The following DOCK10 variants were observed in gnomAD, a reference collection of about 807,000 sequenced individuals.
The protein encoded by DOCK10 is dedicator of cytokinesis protein 10.
In DOCK10, 145 loss-of-function variants were observed where a neutral mutation model predicts 280.1. That is an observed-to-expected ratio of 0.52 (90% CI 0.45 to 0.59). The LOEUF (loss-of-function observed/expected upper bound fraction) is 0.59, where lower values mean the gene tolerates loss of function less well. Ranked by LOEUF, DOCK10 falls within the 20% of genes least tolerant of loss-of-function variation. The probability of loss-of-function intolerance (pLI) is 0.00; values close to 1 mark genes in which losing one functional copy is unlikely to be tolerated. For missense variants in DOCK10, 2,368 were observed against 2,651.7 expected (o/e 0.89, Z 2.35); for synonymous variants, 915 against 942.2 (o/e 0.97, Z 0.53).
At chr2:224,989,078 C>T (rs1559931342) in intron 1 of DOCK10, among the ~76,000 whole-genome samples, 2 of 152,164 alleles carry the variant, frequency 1.3e-5, no homozygotes, top group Non-Finnish European at 2.9e-5. Context: ...GGAAGAGCTG[C>T]CACTCACTCT....
intron 26 of DOCK10, 132 bp from the exon 27 acceptor site, chr2:224,830,744 C>G (rs1040237082): frequency 1.6e-5 from 7 of 450,556 alleles, no homozygotes; most frequent in Middle Eastern, 4.4e-4. Flanking sequence ...TGAATTAGAG[C>G]AGTAAAATAT....
chr2:224,956,625 G>GAAAA (rs3083983), intron 1 of DOCK10, among the ~76,000 whole-genome samples: 13 of 78,648 alleles, frequency 1.7e-4, no homozygotes, highest in East Asian at 4.1e-4. Context: ...CGCTACCTCA[G>GAAAA]AAAAAAAAAA....
intron 25 of DOCK10, among the ~76,000 whole-genome samples, chr2:224,836,180 A>C (rs2125429099): frequency 6.6e-6 from 1 of 152,286 alleles, no homozygotes; most frequent in South Asian, 2.1e-4. Flanking sequence ...AGTCCCTTTA[A>C]GGATTGAAAT....
chr2:225,035,579 TATATATATAA>T (rs1332608848), intron 1 of DOCK10, among the ~76,000 whole-genome samples: 16 of 105,962 alleles, frequency 1.5e-4, no homozygotes, highest in African/African-American at 6.6e-4. Context: ...TATATATATA[TATATATATAA>T]CACTGAATCA....
chr2:224,980,836 A>G (rs1705707288), intron 1 of DOCK10, among the ~76,000 whole-genome samples: 1 of 152,148 alleles, frequency 6.6e-6, no homozygotes, highest in Non-Finnish European at 1.5e-5. Context: ...GTATATTCTT[A>G]TCACCTTATT....
At chr2:224,800,000 C>T (rs1288460124) in intron 41 of DOCK10, 151 bp downstream of exon 41, 3 of 489,836 alleles carry the variant, frequency 6.1e-6, no homozygotes, top group Non-Finnish European at 1.1e-5. Context: ...AAAATCTCAT[C>T]TTTAACATGT....
chr2:224,770,075 G>A lies in DOCK10; in HGVS notation c.6444+136C>T. ...GGCACGAGGTGGTGTGCACGGGAGAGAGAACAGATCAGCAACATGGTGCTG... is the reference window on the plus strand; with the variant it reads ...GGCACGAGGTGGTGTGCACGGGAGAAAGAACAGATCAGCAACATGGTGCTG... On this transcript the variant is annotated intron_variant, in intron 55 of 55. Coordinates refer to ENST00000258390, the MANE Select transcript of DOCK10 (RefSeq NM_014689.3). This position sits in a 1 kb window ranked among gnomAD's most constrained non-coding sequence, Gnocchi z 4.5. The A allele has an allele frequency of 9.8e-7, 1 of 1,024,478 alleles. No homozygotes were observed. The highest frequency in any genetic ancestry group is 1.3e-6 in the Non-Finnish European group (1 of 752,970). The allele number at this position is 1,024,478 out of a possible 1,614,324, so 63.5% of individuals were successfully genotyped here. A position where few individuals can be genotyped will look rare whatever the true frequency, so the allele number is the denominator to read the frequency against.
At chr2:224,968,916 C>A (rs1188304579) in intron 1 of DOCK10, among the ~76,000 whole-genome samples, 1 of 152,212 alleles carries the variant, frequency 6.6e-6, no homozygotes, top group Non-Finnish European at 1.5e-5. Flanking sequence ...CAGACAGACA[C>A]ACACTTAGAA....
intron 2 of DOCK10, among the ~76,000 whole-genome samples, chr2:224,922,900 A>G (rs1332809763): frequency 2.0e-5 from 3 of 152,240 alleles, no homozygotes; most frequent in Non-Finnish European, 4.4e-5. Flanking sequence ...AAGCCTCACA[A>G]TAAGAACTAT....
chr2:225,040,924 G>A (rs1045493830), intron 1 of DOCK10, among the ~76,000 whole-genome samples: 2 of 152,160 alleles, frequency 1.3e-5, no homozygotes, highest in African/African-American at 4.8e-5. Flanking sequence ...AGTACCACAT[G>A]CTGTCCCTGG....
chr2:225,017,032 A>G (rs975320498), intron 1 of DOCK10, among the ~76,000 whole-genome samples: 4 of 147,682 alleles, frequency 2.7e-5, no homozygotes, highest in African/African-American at 5.0e-5. Flanking sequence ...CGCCTCTTAT[A>G]TTTTTAAGTG....
At chr2:224,971,101 C>T (rs1275410734) in intron 1 of DOCK10, among the ~76,000 whole-genome samples, 1 of 152,190 alleles carries the variant, frequency 6.6e-6, no homozygotes, top group Non-Finnish European at 1.5e-5. Context: ...AGTGAGGCAG[C>T]TGGATTCTAT....
In DOCK10 at chr2:224,805,361, T is replaced by C. The variant is rs1165332270; in HGVS notation, c.3937-41A>G. On this transcript the variant is annotated intron_variant, in intron 35 of 55. Transcript: ENST00000258390. The surrounding 1 kb of genome is among the most constrained non-coding windows in gnomAD (Gnocchi z 4.3). ...CCAATCAGGATTGAGTGAGAGTGAG[T>C]GACCTCTGCCTTGTAATGATCAGTA... 4 of 1,612,652 alleles carry C rather than the reference T, an allele frequency of 2.5e-6. No homozygotes were observed. Among genetic ancestry groups the C allele is most frequent in the Non-Finnish European group, 3.4e-6 (4 of 1,179,148 alleles).
chr2:224,874,259 G>T lies in DOCK10; in HGVS notation c.1101+7C>A. On this transcript the variant is annotated splice_region_variant and intron_variant, in intron 10 of 55. Coordinates refer to ENST00000258390, the MANE Select transcript of DOCK10 (RefSeq NM_014689.3). ...TTCATATCTGCTTAGAAAAAATTTT[G>T]ACTTACATCTATGTCTGGATCTAGA... 1.2e-6 allele frequency: 2 copies of T among 1,611,224 alleles called. No individual in the cohort carries two copies. The highest frequency in any genetic ancestry group is 1.7e-4 in the Middle Eastern group (1 of 6,026).
In DOCK10 at chr2:224,845,188, C is replaced by T; in HGVS notation, c.2481+15G>A. 4.5e-6 allele frequency: 7 copies of T among 1,560,090 alleles called. No individual in the cohort carries two copies. Among genetic ancestry groups the T allele is most frequent in the Non-Finnish European group, 6.1e-6 (7 of 1,151,266 alleles). On this transcript the variant is annotated intron_variant, in intron 21 of 55. Coordinates refer to ENST00000258390, the MANE Select transcript of DOCK10 (RefSeq NM_014689.3). The stretch of plus-strand genomic sequence containing the variant: ...TGTGCTTTTTTAAAATCTTAAATTA[C>T]ACATTATTCAATACCTTTCCACTTG...
At chr2:225,002,303 C>A (rs1244854309) in intron 1 of DOCK10, among the ~76,000 whole-genome samples, 1 of 152,104 alleles carries the variant, frequency 6.6e-6, no homozygotes, top group African/African-American at 2.4e-5. Flanking sequence ...TGCCATTTTG[C>A]CCTTTAAAAA....
chr2:224,899,095 T>C (rs903032108), intron 3 of DOCK10, among the ~76,000 whole-genome samples: 2 of 152,180 alleles, frequency 1.3e-5, no homozygotes, highest in Admixed American at 6.5e-5. Context: ...CATTTTAAAA[T>C]GGAAAAAGAA....
chr2:224,835,237 T>TA (rs1695518175), intron 25 of DOCK10, among the ~76,000 whole-genome samples: 1 of 152,254 alleles, frequency 6.6e-6, no homozygotes, highest in African/African-American at 2.4e-5. Flanking sequence ...TCTCATGGGT[T>TA]ATACCTCAGA....
In DOCK10 at chr2:224,770,369, C is replaced by G. The variant is rs1690357032; in HGVS notation, c.6306-20G>C. On this transcript the variant is annotated intron_variant, in intron 54 of 55. Coordinates refer to ENST00000258390, the MANE Select transcript of DOCK10 (RefSeq NM_014689.3). The surrounding 1 kb of genome is among the most constrained non-coding windows in gnomAD (Gnocchi z 4.5). Reference sequence around the variant, plus strand: ...AATTGCCTTTAGCGACAGCATTAAACAAATTAAAAACCAGCCCTCGGAAGT... The same window carrying G: ...AATTGCCTTTAGCGACAGCATTAAAGAAATTAAAAACCAGCCCTCGGAAGT... 6.3e-7 allele frequency: 1 copy of G among 1,579,690 alleles called. No individual in the cohort carries two copies. The highest frequency in any genetic ancestry group is 8.6e-7 in the Non-Finnish European group (1 of 1,162,768).
Sources: gnomAD v4.1 joint callset for allele counts (sites outside exome capture counted in the v4.1 genomes callset) on GRCh38, gnomAD v4.1.1 for gene constraint, Gnocchi (gnomAD v3.1) non-coding constraint, MANE v1.5 for transcripts, NCBI Gene and HGNC (gene_info 2026-07-23, HGNC 2026-07-21) for gene names.